INPP4B: variants seen among roughly 807,000 people sequenced by gnomAD.
INPP4B encodes the protein inositol polyphosphate-4-phosphatase type II B, also known as inositol polyphosphate 4-phosphatase type II.
Under a neutral mutation model 122.5 loss-of-function variants are expected in INPP4B, and 55 were observed. The ratio of observed to expected loss-of-function variants is 0.45; its 90% CI spans 0.36 to 0.56. The LOEUF is 0.56. Among genes scored for constraint, INPP4B ranks in the 20% least tolerant of loss-of-function variants. The pLI, the probability that INPP4B is intolerant of heterozygous loss-of-function variation, is 0.00. For synonymous variants in INPP4B, 403 were observed against 388.7 expected (o/e 1.04, Z -0.43); for missense variants, 1,000 against 1,097.7 (o/e 0.91, Z 1.26).
chr4:142,441,359 T>C (rs1030218893), intron 3 of INPP4B, among the ~76,000 whole-genome samples: 2 of 152,172 alleles, frequency 1.3e-5, no homozygotes, highest in African/African-American at 4.8e-5. Context: ...TTAGATGTGA[T>C]ATCAGAGGTG....
At chr4:142,415,853 G>A (rs1467703286) in intron 5 of INPP4B, among the ~76,000 whole-genome samples, 1 of 152,036 alleles carries the variant, frequency 6.6e-6, no homozygotes, top group Non-Finnish European at 1.5e-5. Context: ...GTCCTTTGTA[G>A]GGACATGGAT....
intron 2 of INPP4B, among the ~76,000 whole-genome samples, chr4:142,561,201 T>C (rs186410848): frequency 1.3e-5 from 2 of 152,368 alleles, no homozygotes; most frequent in East Asian, 1.9e-4. Context: ...TTAATAATTA[T>C]AAAATTCTCT....
At chr4:142,166,694 G>GA (rs71461228) in intron 16 of INPP4B, among the ~76,000 whole-genome samples, 65 of 144,192 alleles carry the variant, frequency 4.5e-4, no homozygotes, top group South Asian at 1.1e-3. Flanking sequence ...AAATTTACAA[G>GA]AAAAAAAAAA....
At chr4:142,687,957 C>T (rs539966710) in intron 2 of INPP4B, among the ~76,000 whole-genome samples, 3 of 152,232 alleles carry the variant, frequency 2.0e-5, no homozygotes, top group African/African-American at 7.2e-5. Context: ...TCCACTATCA[C>T]TCACTTGACT....
chr4:142,557,495 G>A (rs1729465495), intron 2 of INPP4B, among the ~76,000 whole-genome samples: 1 of 150,080 alleles, frequency 6.7e-6, no homozygotes, highest in Non-Finnish European at 1.5e-5. Context: ...TGAGGCCAGA[G>A]AGGCCACCTG....
rs777995101 is a variant in INPP4B at position 142,725,867 on chromosome 4, A to C, written c.-219T>G. 1.8e-5 allele frequency: 7 copies of C among 397,990 alleles called. No individual in the cohort carries two copies. The highest frequency in any genetic ancestry group is 2.2e-5 in the Non-Finnish European group (5 of 225,732). The allele number at this position is 397,990 out of a possible 1,614,324, so 24.7% of individuals were successfully genotyped here. A position where few individuals can be genotyped will look rare whatever the true frequency, so the allele number is the denominator to read the frequency against. On this transcript the variant is annotated 5_prime_UTR_variant, in exon 2 of 26. Transcript: ENST00000262992. ...TGTCTAATTTTTCATAAAAGACAGA[A>C]GACCTCTTGCCAGGTAACACCATTT...
chr4:142,606,508 A>C (rs1741298978), intron 2 of INPP4B, among the ~76,000 whole-genome samples: 1 of 151,916 alleles, frequency 6.6e-6, no homozygotes, highest in African/African-American at 2.4e-5. Flanking sequence ...AAAAACACTC[A>C]CATGTACCCT....
At chr4:142,808,009 A>G (rs1779062599) in intron 1 of INPP4B, among the ~76,000 whole-genome samples, 2 of 152,080 alleles carry the variant, frequency 1.3e-5, no homozygotes, top group Non-Finnish European at 2.9e-5. Context: ...GCCAAGTTCC[A>G]TCATCTTCCA....
chr4:142,469,981 C>T (rs1046285338), intron 2 of INPP4B, among the ~76,000 whole-genome samples: 6 of 151,806 alleles, frequency 4.0e-5, no homozygotes, highest in African/African-American at 1.5e-4. Context: ...AATTATGTTC[C>T]ATTAGACAGG....
At chr4:142,629,151 T>C (rs1276706734) in intron 2 of INPP4B, among the ~76,000 whole-genome samples, 1 of 151,798 alleles carries the variant, frequency 6.6e-6, no homozygotes, top group Non-Finnish European at 1.5e-5. Context: ...TCAGCCCAAG[T>C]CTGCTGGAAA....
At chr4:142,741,700 G>C (rs983004987) in intron 1 of INPP4B, among the ~76,000 whole-genome samples, 2 of 151,808 alleles carry the variant, frequency 1.3e-5, no homozygotes, top group Non-Finnish European at 2.9e-5. Context: ...TTAATAAACT[G>C]AAAAATACAT....
intron 17 of INPP4B, among the ~76,000 whole-genome samples, chr4:142,148,145 G>A (rs141293978): frequency 1.3e-5 from 2 of 152,158 alleles, no homozygotes; most frequent in African/African-American, 4.8e-5. Flanking sequence ...AGGAAAAAAA[G>A]GGGAGCAGGT....
intron 7 of INPP4B, among the ~76,000 whole-genome samples, chr4:142,360,886 T>C (rs982991705): frequency 4.6e-5 from 7 of 151,996 alleles, no homozygotes; most frequent in Non-Finnish European, 1.0e-4. Context: ...AGTACTTTTG[T>C]TGTAAGAGCT....
At chr4:142,276,350 C>G (rs1292921358) in intron 9 of INPP4B, among the ~76,000 whole-genome samples, 1 of 151,848 alleles carries the variant, frequency 6.6e-6, no homozygotes, top group Non-Finnish European at 1.5e-5. Context: ...TCTTTCAAGT[C>G]TTTGTATCAG....
At chr4:142,277,533 T>C (rs1021943445) in intron 9 of INPP4B, among the ~76,000 whole-genome samples, 1 of 151,874 alleles carries the variant, frequency 6.6e-6, no homozygotes, top group African/African-American at 2.4e-5. Flanking sequence ...CTACCAGGTA[T>C]CTACCCAGAG....
At chr4:142,067,744 A>G (rs1373370364) in intron 25 of INPP4B, among the ~76,000 whole-genome samples, 1 of 152,194 alleles carries the variant, frequency 6.6e-6, no homozygotes, top group Non-Finnish European at 1.5e-5. Context: ...ATTGAAGATT[A>G]AATAAATAAA....
At chr4:142,636,381 GAAGA>G (rs1311481054) in intron 2 of INPP4B, among the ~76,000 whole-genome samples, 13 of 152,132 alleles carry the variant, frequency 8.5e-5, no homozygotes, top group African/African-American at 2.9e-4. Context: ...AAACCTATAT[GAAGA>G]AATAAAAAAT....
chr4:142,353,678 C>A (rs1782673413), intron 7 of INPP4B, among the ~76,000 whole-genome samples: 1 of 151,944 alleles, frequency 6.6e-6, no homozygotes, highest in Non-Finnish European at 1.5e-5. Flanking sequence ...TGTCCATGTC[C>A]TTGAAGATAA....
chr4:142,348,038 G>A (rs746896308), intron 7 of INPP4B, among the ~76,000 whole-genome samples: 33 of 152,182 alleles, frequency 2.2e-4, no homozygotes, highest in Non-Finnish European at 3.5e-4. Flanking sequence ...GTGCCATTAT[G>A]TGACTGCATA....
Sources: gnomAD v4.1 joint callset for allele counts (sites outside exome capture counted in the v4.1 genomes callset) on GRCh38, gnomAD v4.1.1 for gene constraint, MANE v1.5 for transcripts, NCBI Gene and HGNC (gene_info 2026-07-23, HGNC 2026-07-21) for gene names.